Variants in TCF3 observed in about 807,000 individuals in gnomAD.
The protein encoded by TCF3 is transcription factor E2-alpha.
TCF3 carries 54 observed loss-of-function variants against 72.3 expected under a neutral mutation model. That is an observed-to-expected ratio of 0.75 (90% CI 0.60 to 0.94). TCF3 has a LOEUF of 0.94. Among genes scored for constraint, TCF3 ranks in the 40% least tolerant of loss-of-function variants. The probability of loss-of-function intolerance (pLI) is 0.00; values close to 1 mark genes in which losing one functional copy is unlikely to be tolerated. For synonymous variants in TCF3, 525 were observed against 412.6 expected, an observed-to-expected ratio of 1.27 and a Z score of -3.30; for missense variants, 1,078 against 934.4, an observed-to-expected ratio of 1.15 and a Z score of -2.00.
chr19:1,645,324 G>A (rs1335378084), intron 3 of TCF3, among the ~76,000 whole-genome samples: 1 of 152,124 alleles, frequency 6.6e-6, no homozygotes, highest in African/African-American at 2.4e-5. Flanking sequence ...CCGTGGCTCT[G>A]AAGCAGCATC....
chr19:1,650,365 G>C, intron 1 of TCF3, 78 bp from the exon 2 acceptor site: 1 of 1,134,124 alleles, frequency 8.8e-7, no homozygotes, highest in Non-Finnish European at 1.2e-6. Context: ...AAAGCACAGA[G>C]TGCTAAAAGC....
intron 1 of TCF3, 193 bp from the exon 2 acceptor site, chr19:1,650,480 AGG>A (rs2066848073): frequency 1.8e-6 from 1 of 546,886 alleles, no homozygotes; most frequent in Non-Finnish European, 3.3e-6. Flanking sequence ...TCCAGAGTCT[AGG>A]TCCCTGCAGA....
At position 1,611,737 on chromosome 19, in the gene TCF3, G is replaced by A. The variant is rs776765182; in HGVS notation, c.1935C>T (p.Ser645=). The A allele has an allele frequency of 1.5e-5, 25 of 1,613,666 alleles. No individual in the cohort carries two copies. Among genetic ancestry groups the A allele is most frequent in the Non-Finnish European group, 2.0e-5 (24 of 1,179,948 alleles). The change falls in exon 19 of 19, where the codon AGC becomes AGT. Residue 645 remains serine, a synonymous_variant. Coordinates refer to ENST00000262965, the MANE Select transcript of TCF3 (RefSeq NM_003200.5). ...MVLSAPHPGL[S]EAHNPAGHM ...TGTGCCCGGCGGGGTTGTGGGCTTC[G>A]CTCAGGCCTGGGTGGGGAGCTGAAA... is the stretch of plus-strand genomic sequence containing the variant.
intron 13 of TCF3, among the ~76,000 whole-genome samples, chr19:1,620,307 C>G (rs2062028739): frequency 6.6e-6 from 1 of 152,090 alleles, no homozygotes; most frequent in Admixed American, 6.5e-5. Flanking sequence ...TTTAAACACC[C>G]AGACCTTCTG....
chr19:1,626,353 G>A (rs1031340769), intron 6 of TCF3, among the ~76,000 whole-genome samples: 1 of 152,178 alleles, frequency 6.6e-6, no homozygotes, highest in Non-Finnish European at 1.5e-5. Context: ...AAAAGGCTGA[G>A]GCAGGAGAAT....
rs2062158566 is a variant in TCF3 at position 1,621,200 on chromosome 19, GAA to G, written c.956-11_956-10del. 3 of 1,534,730 alleles carry G rather than the reference GAA, an allele frequency of 2.0e-6. No individual in the cohort carries two copies. The South Asian group carries it at 3.6e-5, about 18-fold the overall frequency. On this transcript the variant is annotated splice_polypyrimidine_tract_variant and intron_variant, in intron 11 of 18. Transcript: ENST00000262965. ...TGTGGTCCCTCGGGAGCCTGTGGGT[GAA>G]GAGAGGTGAGGCCCACGCAGCCCGG...
chr19:1,619,672 T>TTGGGGC (rs1272051610), intron 14 of TCF3, 108 bp downstream of exon 14: 1 of 1,308,636 alleles, frequency 7.6e-7, no homozygotes, highest in Admixed American at 2.1e-5. Context: ...CAATAACAGC[T>TTGGGGC]TGGGGCTTAT....
chr19:1,615,593 G>T lies in TCF3; in HGVS notation c.1587-73C>A, dbSNP rs544599787. On this transcript the variant is annotated intron_variant, in intron 17 of 18. Transcript: ENST00000262965. The surrounding 1 kb of genome is among the most constrained non-coding windows in gnomAD (Gnocchi z 7.3). Reference sequence around the variant, plus strand: ...GGGGAAGAGCGTGGGGCCCGCCGACGGCCTCCCAGTGTGGGTGCGGTGTGC... The same window carrying T: ...GGGGAAGAGCGTGGGGCCCGCCGACTGCCTCCCAGTGTGGGTGCGGTGTGC... 2 of 1,607,156 alleles carry T rather than the reference G, an allele frequency of 1.2e-6. No individual in the cohort carries two copies. Among genetic ancestry groups the T allele is most frequent in the Non-Finnish European group, 1.7e-6 (2 of 1,179,732 alleles).
chr19:1,619,896 T>C (rs539618662), intron 13 of TCF3, 43 bp from the exon 14 acceptor site: 2 of 1,492,888 alleles, frequency 1.3e-6, no homozygotes, highest in Non-Finnish European at 1.8e-6. Context: ...AGGGGCGGGG[T>C]GTGAGCATGG....
At chr19:1,648,651 G>A (rs1034745567) in intron 2 of TCF3, among the ~76,000 whole-genome samples, 4 of 152,346 alleles carry the variant, frequency 2.6e-5, no homozygotes, top group Admixed American at 2.0e-4. Context: ...TGGCCCCTCC[G>A]GCCCTTGGGC....
chr19:1,626,498 G>A (rs185598645), intron 6 of TCF3, among the ~76,000 whole-genome samples: 49 of 151,370 alleles, frequency 3.2e-4, no homozygotes, highest in African/African-American at 1.2e-3. Context: ...GTGGCCCCAC[G>A]GGGTGGCCCA....
At chr19:1,631,955 C>T (rs758822943) in intron 5 of TCF3, 83 bp downstream of exon 5, 42 of 1,556,598 alleles carry the variant, frequency 2.7e-5, no homozygotes, top group African/African-American at 1.4e-4. Flanking sequence ...ACTTGCCTGG[C>T]GCTGTGCGTG....
At position 1,609,426 on chromosome 19, in the gene TCF3, T is replaced by C. The variant is rs1310294706; in HGVS notation, c.*2281A>G. 6 of 210,812 alleles carry C rather than the reference T, an allele frequency of 2.8e-5. No homozygotes were observed. Among genetic ancestry groups the C allele is most frequent in the South Asian group, 3.8e-4 (2 of 5,320 alleles). The allele number at this position is 210,812 out of a possible 1,614,324, so 13.1% of individuals were successfully genotyped here. A position where few individuals can be genotyped will look rare whatever the true frequency, so the allele number is the denominator to read the frequency against. On this transcript the variant is annotated 3_prime_UTR_variant, in exon 19 of 19. Coordinates refer to ENST00000262965, the MANE Select transcript of TCF3 (RefSeq NM_003200.5). ...TGTTGACACGTATACAATTATTTTC[T>C]TTAAAAAAATTTTTTTGAAAACCAT...
At chr19:1,651,911 G>A (rs1198934491) in intron 1 of TCF3, among the ~76,000 whole-genome samples, 3 of 149,286 alleles carry the variant, frequency 2.0e-5, no homozygotes, top group East Asian at 2.0e-4. Context: ...TCCGGCGCCC[G>A]GGCCGGGCCC....
rs77522967 is a variant in TCF3, at chr19:1,614,983, G to T, written c.1822+302C>A. On this transcript the variant is annotated intron_variant, in intron 18 of 18. Transcript: ENST00000262965. This position sits in a 1 kb window ranked among gnomAD's most constrained non-coding sequence, Gnocchi z 5.6. ...GAGGACCACGGCGAGTGGGAGCCCC[G>T]TGGAGCTGGGAGATACAGTTCTGAG... Among the ~76,000 whole-genome samples the T allele has an allele frequency of 0.015, 2,300 of 152,234 alleles. 60 individuals carry two copies. Among genetic ancestry groups the T allele is most frequent in the African/African-American group, 0.052 (2,169 of 41,524 alleles).
At position 1,615,392 on chromosome 19, in the gene TCF3, A is replaced by G. The variant is rs2061444336; in HGVS notation, c.1715T>C (p.Leu572Pro). The change falls in exon 18 of 19, where the codon CTG (leucine) becomes CCG (proline). Residue 572 changes from leucine (L) to proline (P), a missense_variant. Coordinates refer to ENST00000262965, the MANE Select transcript of TCF3 (RefSeq NM_003200.5). The surrounding 1 kb of genome is among the most constrained non-coding windows in gnomAD (Gnocchi z 7.3). ...GAGGTGCAGTTGGCACATGCGCCCCAGCTCCTTAAAGGCCTCGTTGATGTC... is the reference window on the plus strand; with the variant it reads ...GAGGTGCAGTTGGCACATGCGCCCCGGCTCCTTAAAGGCCTCGTTGATGTC... ...VRDINEAFKE[L>P]GRMCQLHLNS... The G allele has an allele frequency of 6.2e-7, 1 of 1,614,046 alleles. No individual in the cohort carries two copies. The highest frequency in any genetic ancestry group is 8.5e-7 in the Non-Finnish European group (1 of 1,179,974).
Position 1,612,360 on chromosome 19 carries a change from G to A in TCF3, c.1823-511C>T, listed in dbSNP as rs1341689226. The A allele has an allele frequency of 3.1e-6, 5 of 1,613,922 alleles. No individual in the cohort carries two copies. Among genetic ancestry groups the A allele is most frequent in the Non-Finnish European group, 4.2e-6 (5 of 1,179,886 alleles). On this transcript the variant is annotated intron_variant, in intron 18 of 18. Coordinates refer to ENST00000262965, the MANE Select transcript of TCF3 (RefSeq NM_003200.5). ...ATATCCCGCACGCGCACCCGCTCCCGCGCGTTATTGGCCATGCGCCTCTCC... is the reference window on the plus strand; with the variant it reads ...ATATCCCGCACGCGCACCCGCTCCCACGCGTTATTGGCCATGCGCCTCTCC...
At position 1,610,496 on chromosome 19, in the gene TCF3, G is replaced by C. The variant is rs966023629; in HGVS notation, c.*1211C>G. On this transcript the variant is annotated 3_prime_UTR_variant, in exon 19 of 19. Transcript: ENST00000262965. ...AGCCAGAGTTCAGAGCATGAGCCTG[G>C]GTCCCTGGGGCAAAGGAGTGAAGGA... The C allele has an allele frequency of 4.3e-6, 1 of 231,362 alleles. No homozygotes were observed. The highest frequency in any genetic ancestry group is 2.2e-5 in the African/African-American group (1 of 45,188). The allele number at this position is 231,362 out of a possible 1,614,324, so 14.3% of individuals were successfully genotyped here. A position where few individuals can be genotyped will look rare whatever the true frequency, so the allele number is the denominator to read the frequency against.
chr19:1,623,669 C>T (rs1454835043), intron 8 of TCF3, among the ~76,000 whole-genome samples: 1 of 152,196 alleles, frequency 6.6e-6, no homozygotes, highest in Non-Finnish European at 1.5e-5. Flanking sequence ...CAGGCATGAG[C>T]CACCACACCC....
Sources: gnomAD v4.1 joint callset for allele counts (sites outside exome capture counted in the v4.1 genomes callset) on GRCh38, gnomAD v4.1.1 for gene constraint, Gnocchi (gnomAD v3.1) non-coding constraint, MANE v1.5 for transcripts, NCBI Gene and HGNC (gene_info 2026-07-23, HGNC 2026-07-21) for gene names.